The following RADIL variants were observed in gnomAD, a reference collection of about 807,000 sequenced individuals.
The protein encoded by RADIL is ras-associating and dilute domain-containing protein.
In RADIL, 99 loss-of-function variants were observed where a neutral mutation model predicts 97.6. The ratio of observed to expected loss-of-function variants is 1.01; its 90% CI spans 0.86 to 1.20. The LOEUF (loss-of-function observed/expected upper bound fraction) is 1.20, where lower values mean the gene tolerates loss of function less well. Ranked by LOEUF, RADIL falls within the 50% of genes most tolerant of loss-of-function variation. RADIL has a pLI of 0.00. For synonymous variants in RADIL, 803 were observed against 691.8 expected (o/e 1.16, Z -2.52); for missense variants, 1,765 against 1,498.9 (o/e 1.18, Z -2.93).
chr7:4,845,865 C>T (rs1268508172), intron 2 of RADIL, among the ~76,000 whole-genome samples: 1 of 152,154 alleles, frequency 6.6e-6, no homozygotes, highest in South Asian at 2.1e-4. Context: ...CAGAGCTCTC[C>T]GGGGCTGTGC....
chr7:4,880,398 C>G lies in RADIL; in HGVS notation c.-64-2195G>C, dbSNP rs145485758. Among the ~76,000 whole-genome samples the G allele has an allele frequency of 1.0e-3, 153 of 152,322 alleles. 2 individuals are homozygous for G. The East Asian group carries it at 0.024, about 24-fold the overall frequency. On this transcript the variant is annotated intron_variant, in intron 1 of 14. Transcript: ENST00000399583. The surrounding 1 kb of genome is among the most constrained non-coding windows in gnomAD (Gnocchi z 4.5). Reference sequence around the variant, plus strand: ...TCACAAACGTGCGGCCTGGCCTGTGCACACCACACCAGCGGCTTCCAATCG... The same window carrying G: ...TCACAAACGTGCGGCCTGGCCTGTGGACACCACACCAGCGGCTTCCAATCG...
chr7:4,799,271 C>T lies in RADIL; in HGVS notation c.*107G>A, dbSNP rs531619255. The T allele has an allele frequency of 5.3e-5, 57 of 1,079,744 alleles. No homozygotes were observed. Among genetic ancestry groups the T allele is most frequent in the Middle Eastern group, 5.0e-4 (2 of 3,970 alleles). 66.9% of individuals were successfully genotyped at this position (1,079,744 alleles called of 1,614,324 possible). ...TGTCCCCAGGGTGAGGCTCCCCACC[C>T]GGGACCCAACTTGGTCAGTTACAAA... On this transcript the variant is annotated 3_prime_UTR_variant, in exon 15 of 15. Transcript: ENST00000399583.
At chr7:4,861,535 T>C (rs905332729) in intron 2 of RADIL, 7 of 1,613,986 alleles carry the variant, frequency 4.3e-6, no homozygotes, top group Non-Finnish European at 5.9e-6. Flanking sequence ...CTCCAACGTT[T>C]TCAATTACAG....
In RADIL at chr7:4,836,344, G is replaced by A. The variant is rs762585934; in HGVS notation, c.783+14C>T. The A allele has an allele frequency of 7.7e-6, 12 of 1,566,120 alleles. No homozygotes were observed. The East Asian group carries it at 1.2e-4, about 15-fold the overall frequency. ...AGTGGCACCGGGCAGTGGGTGTCAG[G>A]AGGGGAGGCTCACGTGCTGCTGGCT... On this transcript the variant is annotated intron_variant, in intron 3 of 14. Transcript: ENST00000399583.
Position 4,798,075 on chromosome 7 carries a change from T to C in RADIL, c.*1303A>G, listed in dbSNP as rs1287203211. The C allele has an allele frequency of 2.2e-5, 3 of 136,054 alleles. No individual in the cohort carries two copies. Among genetic ancestry groups the C allele is most frequent in the African/African-American group, 6.8e-5 (2 of 29,518 alleles). 8.4% of individuals were successfully genotyped at this position (136,054 alleles called of 1,614,324 possible). On this transcript the variant is annotated 3_prime_UTR_variant, in exon 15 of 15. Transcript: ENST00000399583. ...TATACATGAATATGTAATATATTCA[T>C]ATATAATTATATATTTATATATATT...
In RADIL at chr7:4,815,518, C is replaced by G. The variant is rs563790810; in HGVS notation, c.1967-68G>C. ...TGGGGGGACACAGACATGGGCCTGTCCCCAGAGCCTGCCCTTCCCGGCTCT... is the reference window on the plus strand; with the variant it reads ...TGGGGGGACACAGACATGGGCCTGTGCCCAGAGCCTGCCCTTCCCGGCTCT... On this transcript the variant is annotated intron_variant, in intron 8 of 14. Transcript: ENST00000399583. The surrounding 1 kb of genome is among the most constrained non-coding windows in gnomAD (Gnocchi z 8.0). The G allele has an allele frequency of 8.5e-6, 12 of 1,408,242 alleles. 1 individual carries two copies. In the South Asian group the frequency reaches 1.7e-4, roughly 20 times the overall value. The allele number at this position is 1,408,242 out of a possible 1,614,324, so 87.2% of individuals were successfully genotyped here. A position where few individuals can be genotyped will look rare whatever the true frequency, so the allele number is the denominator to read the frequency against.
At chr7:4,838,017 C>T (rs1402818366) in intron 2 of RADIL, 33 of 985,264 alleles carry the variant, frequency 3.3e-5, no homozygotes, top group Non-Finnish European at 3.9e-5. Flanking sequence ...GCGCCAGCAG[C>T]CCCGCCGTCC....
chr7:4,815,192 C>T lies in RADIL; in HGVS notation c.2139+86G>A. 1 of 1,412,256 alleles carries T rather than the reference C, an allele frequency of 7.1e-7. No individual in the cohort carries two copies. Among genetic ancestry groups the T allele is most frequent in the Non-Finnish European group, 9.3e-7 (1 of 1,071,526 alleles). The allele number at this position is 1,412,256 out of a possible 1,614,324, so 87.5% of individuals were successfully genotyped here. ...TTCCAGCCAAGAAGCCCCGTCCCGG[C>T]CCCCAGGCTTGGTTTGTGAGCCAGG... On this transcript the variant is annotated intron_variant, in intron 9 of 14. Coordinates refer to ENST00000399583, the MANE Select transcript of RADIL (RefSeq NM_018059.5). This position sits in a 1 kb window ranked among gnomAD's most constrained non-coding sequence, Gnocchi z 8.0.
At chr7:4,832,741 CAAAAAAAAAAAA>C (rs71032992) in intron 4 of RADIL, among the ~76,000 whole-genome samples, 1 of 66,524 alleles carries the variant, frequency 1.5e-5, no homozygotes, top group Non-Finnish European at 2.8e-5. Context: ...TCCGTCTCAG[CAAAAAAAAAAAA>C]AAAAAAAAAA....
At chr7:4,836,113 C>T (rs1583295058) in intron 3 of RADIL, among the ~76,000 whole-genome samples, 1 of 152,326 alleles carries the variant, frequency 6.6e-6, no homozygotes, top group East Asian at 1.9e-4. Context: ...CTGAGGGCAC[C>T]CACTCTGGGA....
chr7:4,797,650 CA>C lies in RADIL; in HGVS notation c.*1727del, dbSNP rs1388773895. The C allele has an allele frequency of 6.6e-6, 1 of 152,216 alleles. No homozygotes were observed. The highest frequency in any genetic ancestry group is 2.4e-5 in the African/African-American group (1 of 41,444). 9.4% of individuals were successfully genotyped at this position (152,216 alleles called of 1,614,324 possible). A position where few individuals can be genotyped will look rare whatever the true frequency, so the allele number is the denominator to read the frequency against. ...GTCCAGAGCTGTGAGACATTCTCGG[CA>C]GTGCTAACACACACGTTGTGGGACT... On this transcript the variant is annotated 3_prime_UTR_variant, in exon 15 of 15. Transcript: ENST00000399583.
chr7:4,835,337 G>C lies in RADIL; in HGVS notation c.784-98C>G, dbSNP rs1421329777. 1 of 1,468,494 alleles carries C rather than the reference G, an allele frequency of 6.8e-7. No individual in the cohort carries two copies. 91.0% of individuals were successfully genotyped at this position (1,468,494 alleles called of 1,614,324 possible). The stretch of plus-strand genomic sequence containing the variant: ...CTGGTTGCTGAAGCAGCGTGGCTGG[G>C]ATGCTGTCGCCACGGGCTCTCCATG... On this transcript the variant is annotated intron_variant, in intron 3 of 14. Coordinates refer to ENST00000399583, the MANE Select transcript of RADIL (RefSeq NM_018059.5). The surrounding 1 kb of genome is among the most constrained non-coding windows in gnomAD (Gnocchi z 5.8).
intron 7 of RADIL, 141 bp from the exon 8 acceptor site, chr7:4,816,606 G>T: frequency 1.5e-6 from 1 of 688,730 alleles, no homozygotes; most frequent in Non-Finnish European, 2.5e-6. Context: ...GACAGGCCAT[G>T]GCTTTGCAAA....
At chr7:4,831,305 C>T (rs1783133165) in intron 5 of RADIL, among the ~76,000 whole-genome samples, 1 of 151,952 alleles carries the variant, frequency 6.6e-6, no homozygotes, top group South Asian at 2.1e-4. Flanking sequence ...CAAATACCTT[C>T]TCACTTACAA....
chr7:4,816,764 C>A (rs972774477), intron 7 of RADIL, among the ~76,000 whole-genome samples: 3 of 152,052 alleles, frequency 2.0e-5, no homozygotes, highest in Non-Finnish European at 4.4e-5. Flanking sequence ...GGGATGGGCT[C>A]CAACAAAGGG....
intron 10 of RADIL, 22 bp from the exon 11 acceptor site, chr7:4,803,776 C>G (rs1183438238): frequency 6.5e-7 from 1 of 1,540,722 alleles, no homozygotes; most frequent in Admixed American, 2.0e-5. Context: ...AGAGGATGCC[C>G]GTAATGGCCA....
intron 5 of RADIL, among the ~76,000 whole-genome samples, 195 bp downstream of exon 5, chr7:4,831,946 A>G (rs1003121344): frequency 6.6e-6 from 1 of 152,196 alleles, no homozygotes; most frequent in African/African-American, 2.4e-5. Context: ...GGTGCCCTGA[A>G]GCAATTTCCC....
chr7:4,803,240 C>T (rs1236443677), intron 11 of RADIL, among the ~76,000 whole-genome samples: 1 of 97,052 alleles, frequency 1.0e-5, no homozygotes. Flanking sequence ...CCTCCCCGGG[C>T]ACCTCAGGGC....
rs1012964124 is a variant in RADIL, at chr7:4,821,137, G to A, written c.1615+1257C>T. On this transcript the variant is annotated intron_variant, in intron 6 of 14. Coordinates refer to ENST00000399583, the MANE Select transcript of RADIL (RefSeq NM_018059.5). This position sits in a 1 kb window ranked among gnomAD's most constrained non-coding sequence, Gnocchi z 5.2. ...TGCACACCGGGCCTGCGCCTCCCTC[G>A]AAGCTCAGAGACGCAGCCTGGAGCA... Among the ~76,000 whole-genome samples, 5 of 152,176 alleles carry A rather than the reference G, an allele frequency of 3.3e-5. No homozygotes were observed. Among genetic ancestry groups the A allele is most frequent in the Non-Finnish European group, 5.9e-5 (4 of 68,018 alleles).
Sources: allele counts gnomAD v4.1 joint callset (sites outside exome capture counted in the v4.1 genomes callset), GRCh38; gene constraint gnomAD v4.1.1; non-coding constraint Gnocchi (gnomAD v3.1); transcripts MANE v1.5; gene names NCBI Gene and HGNC (gene_info 2026-07-23, HGNC 2026-07-21).